ZNF862: variants seen among roughly 807,000 people sequenced by gnomAD.
The protein encoded by ZNF862 is zinc finger protein 862.
In ZNF862, 64 loss-of-function variants were observed where a neutral mutation model predicts 91.1. The ratio of observed to expected loss-of-function variants is 0.70; its 90% CI spans 0.57 to 0.87. The LOEUF is 0.87. ZNF862 is among the 40% of genes least tolerant of loss of function. ZNF862 has a pLI of 0.00. For synonymous variants in ZNF862, 631 were observed against 618.1 expected (o/e 1.02, Z -0.31); for missense variants, 1,459 against 1,528.0 (o/e 0.95, Z 0.75).
Position 149,864,941 on chromosome 7 carries a change from G to A in ZNF862, c.*657G>A, listed in dbSNP as rs897589173. The A allele has an allele frequency of 2.6e-5, 4 of 152,310 alleles. No homozygotes were observed. Among genetic ancestry groups the A allele is most frequent in the Non-Finnish European group, 5.9e-5 (4 of 68,124 alleles). The allele number at this position is 152,310 out of a possible 1,614,324, so 9.4% of individuals were successfully genotyped here. A position where few individuals can be genotyped will look rare whatever the true frequency, so the allele number is the denominator to read the frequency against. ...GTGGAGCTGGGCTCTTCTGGCAGGG[G>A]GTCTGGTGCTTCCCGGAGAGCCGAG... On this transcript the variant is annotated 3_prime_UTR_variant, in exon 8 of 8. Coordinates refer to ENST00000223210, the MANE Select transcript of ZNF862 (RefSeq NM_001099220.3).
At chr7:149,849,333 A>G (rs1020143912) in intron 4 of ZNF862, among the ~76,000 whole-genome samples, 4 of 152,160 alleles carry the variant, frequency 2.6e-5, no homozygotes, top group African/African-American at 4.8e-5. Flanking sequence ...CTGCCAGCCC[A>G]TGCTTTCCTT....
chr7:149,864,540 G>A lies in ZNF862; in HGVS notation c.*256G>A, dbSNP rs1802648023. The A allele has an allele frequency of 2.2e-6, 1 of 457,706 alleles. No individual in the cohort carries two copies. Among genetic ancestry groups the A allele is most frequent in the Admixed American group, 3.7e-5 (1 of 27,172 alleles). The allele number at this position is 457,706 out of a possible 1,614,324, so 28.4% of individuals were successfully genotyped here. On this transcript the variant is annotated 3_prime_UTR_variant, in exon 8 of 8. Coordinates refer to ENST00000223210, the MANE Select transcript of ZNF862 (RefSeq NM_001099220.3). ...TCTATATCTCAAGTTCATTTTTAAGGTGCTGCAGAAAATAACCCCATCATG... is the reference window on the plus strand; with the variant it reads ...TCTATATCTCAAGTTCATTTTTAAGATGCTGCAGAAAATAACCCCATCATG...
At chr7:149,844,114 A>G (rs1026371083) in intron 1 of ZNF862, among the ~76,000 whole-genome samples, 7 of 151,366 alleles carry the variant, frequency 4.6e-5, no homozygotes, top group Non-Finnish European at 8.8e-5. Flanking sequence ...CACTTTCTGA[A>G]CTCCCTACCC....
At chr7:149,841,721 T>A (rs1183560093) in intron 1 of ZNF862, 2 of 985,360 alleles carry the variant, frequency 2.0e-6, no homozygotes, top group Admixed American at 1.2e-4. Flanking sequence ...TGTATGTATT[T>A]GTTGCCTCAA....
rs144550137 is a variant in ZNF862, at chr7:149,856,530, T to C, written c.1118-2892T>C. Among the ~76,000 whole-genome samples the C allele has an allele frequency of 6.9e-3, 1,047 of 152,342 alleles. 6 individuals carry two copies. Among genetic ancestry groups the C allele is most frequent in the Middle Eastern group, 0.027 (8 of 294 alleles). ...CTTCTTTTTCATTTTTCTCACTTTC[T>C]TTACCCTCATCAGTTCTTCCCAGAC... On this transcript the variant is annotated intron_variant, in intron 5 of 7. Transcript: ENST00000223210.
At chr7:149,843,911 C>T (rs1801787346) in intron 1 of ZNF862, among the ~76,000 whole-genome samples, 1 of 152,178 alleles carries the variant, frequency 6.6e-6, no homozygotes, top group African/African-American at 2.4e-5. Flanking sequence ...GTTTGATTTT[C>T]TTGGATCTGC....
In ZNF862 at chr7:149,846,256, G is replaced by GT; in HGVS notation, c.241+2dup. 6.2e-7 allele frequency: 1 copy of GT among 1,612,270 alleles called. No homozygotes were observed. The highest frequency in any genetic ancestry group is 8.5e-7 in the Non-Finnish European group (1 of 1,178,848). On this transcript the variant is annotated splice_donor_variant, in intron 3 of 7. Coordinates refer to ENST00000223210, the MANE Select transcript of ZNF862 (RefSeq NM_001099220.3). LOFTEE classifies it high-confidence loss of function. ...AGGAGCCTTCTGGAGCATCACCCAG[G>GT]TGAGTGTGGAACTGCACTCAGGGGC...
Position 149,864,780 on chromosome 7 carries a change from G to A in ZNF862, c.*496G>A, listed in dbSNP as rs1802656522. On this transcript the variant is annotated 3_prime_UTR_variant, in exon 8 of 8. Coordinates refer to ENST00000223210, the MANE Select transcript of ZNF862 (RefSeq NM_001099220.3). ...CATTGTTCTGGGACTTCCTACCCTGGCTCCCACAGCAGAAGCAGTGAGGCC... is the reference window on the plus strand; with the variant it reads ...CATTGTTCTGGGACTTCCTACCCTGACTCCCACAGCAGAAGCAGTGAGGCC... 6.5e-6 allele frequency: 1 copy of A among 154,976 alleles called. No homozygotes were observed. Among genetic ancestry groups the A allele is most frequent in the Admixed American group, 6.3e-5 (1 of 15,846 alleles). The allele number at this position is 154,976 out of a possible 1,614,324, so 9.6% of individuals were successfully genotyped here. A position where few individuals can be genotyped will look rare whatever the true frequency, so the allele number is the denominator to read the frequency against.
Position 149,848,089 on chromosome 7 carries a change from A to G in ZNF862, c.596A>G (p.His199Arg). 1 of 1,614,072 alleles carries G rather than the reference A, an allele frequency of 6.2e-7. No individual in the cohort carries two copies. The highest frequency in any genetic ancestry group is 1.1e-5 in the South Asian group (1 of 91,092). ...TLKYHAKSKA[H>R]MFCVNALAAR... is the part of the protein sequence containing the mutation. ...AAATACCACGCGAAGAGCAAGGCCC[A>G]CATGTTCTGTGTCAATGCCTTGGCA... The change falls in exon 4 of 8, where the codon CAC becomes CGC. Residue 199 changes from histidine (H) to arginine (R), a missense_variant. By Grantham distance (29) the His-to-Arg change is conservative. Coordinates refer to ENST00000223210, the MANE Select transcript of ZNF862 (RefSeq NM_001099220.3).
Position 149,861,365 on chromosome 7 carries a change from C to T in ZNF862, c.2205C>T (p.Asp735=), listed in dbSNP as rs745991404. The T allele has an allele frequency of 1.3e-5, 21 of 1,612,942 alleles. No individual in the cohort carries two copies. Among genetic ancestry groups the T allele is most frequent in the Admixed American group, 1.7e-5 (1 of 60,016 alleles). The change falls in exon 7 of 8, where the codon GAC becomes GAT. Residue 735 remains aspartate, a synonymous_variant. Transcript: ENST00000223210. This position sits in a 1 kb window ranked among gnomAD's most constrained non-coding sequence, Gnocchi z 6.7. ...ACCGGCTGCACCTGGCTGTGGTGGA[C>T]GCCTGCGGGAGCATCGATCTGGTGA... is the stretch of plus-strand genomic sequence containing the variant. ...VAHRLHLAVV[D]ACGSIDLVKK...
At position 149,848,361 on chromosome 7, in the gene ZNF862, A is replaced by G. The variant is rs1430391170; in HGVS notation, c.868A>G (p.Ile290Val). 3 of 1,605,426 alleles carry G rather than the reference A, an allele frequency of 1.9e-6. No individual in the cohort carries two copies. The highest frequency in any genetic ancestry group is 1.1e-5 in the South Asian group (1 of 89,748). ...CATTTCAGATTTGAGGCAAAAAGAA[A>G]TCACTGATGGCATCCACAGCTCCTC... ...DCISDLRQKE[I>V]TDGIHSSSDI... Residue 290 changes from isoleucine to valine, a missense_variant, in exon 4 of 8, where the codon ATC becomes GTC. By Grantham distance (29) the Ile-to-Val change is conservative (BLOSUM62 3). Transcript: ENST00000223210.
In ZNF862 at chr7:149,855,686, A is replaced by G. The variant is rs951122610; in HGVS notation, c.1118-3736A>G. 1.3e-5 allele frequency among the ~76,000 whole-genome samples: 2 copies of G among 152,144 alleles called. No individual in the cohort carries two copies. Among genetic ancestry groups the G allele is most frequent in the African/African-American group, 2.4e-5 (1 of 41,430 alleles). On this transcript the variant is annotated intron_variant, in intron 5 of 7. Coordinates refer to ENST00000223210, the MANE Select transcript of ZNF862 (RefSeq NM_001099220.3). The surrounding 1 kb of genome is among the most constrained non-coding windows in gnomAD (Gnocchi z 4.1). ...GAATGTCTGCCCTGGCAGCCTGTCTATATAGGCGCCTTCACAGGGGAGTAT... is the reference window on the plus strand; with the variant it reads ...GAATGTCTGCCCTGGCAGCCTGTCTGTATAGGCGCCTTCACAGGGGAGTAT...
chr7:149,856,966 C>G (rs1000962512), intron 5 of ZNF862, among the ~76,000 whole-genome samples: 10 of 152,266 alleles, frequency 6.6e-5, no homozygotes, highest in African/African-American at 1.4e-4. Context: ...AAGCATTGCC[C>G]TTTTAGGTTT....
At chr7:149,841,748 C>G in intron 1 of ZNF862, 1 of 985,342 alleles carries the variant, frequency 1.0e-6, no homozygotes, top group East Asian at 1.1e-4. Context: ...TGTTTCTTGG[C>G]CCTCTCTATC....
chr7:149,855,211 G>A lies in ZNF862; in HGVS notation c.1118-4211G>A, dbSNP rs1354030995. Among the ~76,000 whole-genome samples the A allele has an allele frequency of 6.6e-6, 1 of 152,232 alleles. No individual in the cohort carries two copies. Among genetic ancestry groups the A allele is most frequent in the East Asian group, 1.9e-4 (1 of 5,200 alleles). On this transcript the variant is annotated intron_variant, in intron 5 of 7. Transcript: ENST00000223210. The surrounding 1 kb of genome is among the most constrained non-coding windows in gnomAD (Gnocchi z 4.1). Reference sequence around the variant, plus strand: ...TCACAAGCATGCTGGAACACATGGGGCAGAATGTCAATGATTGGAGTTCCT... The same window carrying A: ...TCACAAGCATGCTGGAACACATGGGACAGAATGTCAATGATTGGAGTTCCT...
At chr7:149,844,929 C>A in intron 2 of ZNF862, 193 bp downstream of exon 2, 1 of 544,998 alleles carries the variant, frequency 1.8e-6, no homozygotes, top group East Asian at 3.3e-5. Context: ...TCTCTTCTCC[C>A]CTTAAAATGG....
chr7:149,844,999 G>T, intron 2 of ZNF862: 1 of 396,988 alleles, frequency 2.5e-6, no homozygotes. Context: ...GTCTCCTGGT[G>T]CCTCAGAATG....
At position 149,848,407 on chromosome 7, in the gene ZNF862, A is replaced by T. The variant is rs1280291206; in HGVS notation, c.914A>T (p.Asn305Ile). The change falls in exon 4 of 8, where the codon AAT (asparagine) becomes ATT (isoleucine). Residue 305 changes from asparagine to isoleucine, a missense_variant. Physicochemically the swap from Asn to Ile is moderately radical, Grantham distance 149. Coordinates refer to ENST00000223210, the MANE Select transcript of ZNF862 (RefSeq NM_001099220.3). ...TCCTCAGACATTAATATTTTATATA[A>T]TGATGCAGTAGAATCCTGCATTCAG... is the stretch of plus-strand genomic sequence containing the variant. ...HSSSDINILY[N>I]DAVESCIQDP... is the part of the protein sequence containing the mutation. 1 of 1,566,094 alleles carries T rather than the reference A, an allele frequency of 6.4e-7. No homozygotes were observed. Among genetic ancestry groups the T allele is most frequent in the African/African-American group, 1.4e-5 (1 of 73,560 alleles).
In ZNF862 at chr7:149,840,967, C is replaced by CA. The variant is rs1457854426; in HGVS notation, c.24+2334dup. On this transcript the variant is annotated intron_variant, in intron 1 of 7. Coordinates refer to ENST00000223210, the MANE Select transcript of ZNF862 (RefSeq NM_001099220.3). ...GAGAAACCTGATTCCGTGTCCTGTC[C>CA]AACCACTAAGTGAAACCTCAGAGAC... The CA allele has an allele frequency of 2.6e-5, 26 of 985,382 alleles. No homozygotes were observed. In the South Asian group the frequency reaches 9.4e-4, roughly 36 times the overall value. The allele number at this position is 985,382 out of a possible 1,614,324, so 61.0% of individuals were successfully genotyped here.
Sources: allele counts gnomAD v4.1 joint callset (sites outside exome capture counted in the v4.1 genomes callset), GRCh38; gene constraint gnomAD v4.1.1; non-coding constraint Gnocchi (gnomAD v3.1); transcripts MANE v1.5; gene names NCBI Gene and HGNC (gene_info 2026-07-23, HGNC 2026-07-21).